Variants in RPTOR observed in about 807,000 individuals in gnomAD.
RPTOR encodes the protein regulatory associated protein of MTOR complex 1.
RPTOR carries 21 observed loss-of-function variants against 169.9 expected under a neutral mutation model. The ratio of observed to expected loss-of-function variants is 0.12; its 90% confidence interval spans 0.09 to 0.18. The LOEUF (loss-of-function observed/expected upper bound fraction) is 0.18. Among genes scored for constraint, RPTOR ranks in the 10% least tolerant of loss-of-function variants. The probability of loss-of-function intolerance (pLI) is 1.00; values close to 1 mark genes in which losing one functional copy is unlikely to be tolerated. For synonymous variants in RPTOR, 732 were observed against 753.2 expected (o/e 0.97, Z 0.46); for missense variants, 1,133 against 1,855.9 (o/e 0.61, Z 7.16).
intron 1 of RPTOR, chr17:80,602,857 C>T: frequency 1.9e-6 from 1 of 534,246 alleles, no homozygotes; most frequent in Non-Finnish European, 3.5e-6. Context: ...ATGGTGTCTT[C>T]TCGGGTCACC....
At chr17:80,555,351 C>T (rs750880256) in intron 1 of RPTOR, among the ~76,000 whole-genome samples, 2 of 152,100 alleles carry the variant, frequency 1.3e-5, no homozygotes, top group African/African-American at 4.8e-5. Context: ...ATGTGGCCAC[C>T]TAGCCCTCCA....
intron 13 of RPTOR, among the ~76,000 whole-genome samples, chr17:80,879,496 G>A (rs994296759): frequency 4.7e-5 from 7 of 148,270 alleles, no homozygotes; most frequent in East Asian, 2.0e-4. Flanking sequence ...CTTTTCCCTC[G>A]ATCCCACCCT....
In RPTOR at chr17:80,730,727, A is replaced by G; in HGVS notation, c.654+21A>G. 7.7e-7 allele frequency: 1 copy of G among 1,294,136 alleles called. No homozygotes were observed. Among genetic ancestry groups the G allele is most frequent in the Non-Finnish European group, 1.0e-6 (1 of 965,710 alleles). The allele number at this position is 1,294,136 out of a possible 1,614,324, so 80.2% of individuals were successfully genotyped here. A position where few individuals can be genotyped will look rare whatever the true frequency, so the allele number is the denominator to read the frequency against. ...TGGAGGTGAGCGCTCTGGTGCTTGG[A>G]GAGCGGTGCTGGGTTTGGTTTTGTT... On this transcript the variant is annotated intron_variant, in intron 5 of 33. Transcript: ENST00000306801. This position sits in a 1 kb window ranked among gnomAD's most constrained non-coding sequence, Gnocchi z 4.2.
intron 3 of RPTOR, among the ~76,000 whole-genome samples, chr17:80,645,584 G>T (rs2065589057): frequency 6.6e-6 from 1 of 152,138 alleles, no homozygotes; most frequent in African/African-American, 2.4e-5. Context: ...GCTAAGAGTT[G>T]ATTTACTGCT....
At chr17:80,719,725 G>C (rs1013119396) in intron 4 of RPTOR, among the ~76,000 whole-genome samples, 1 of 152,100 alleles carries the variant, frequency 6.6e-6, no homozygotes, top group Admixed American at 6.5e-5. Flanking sequence ...GGTCAGGAGT[G>C]GGGGGAAGCG....
chr17:80,612,757 A>T (rs2065280192), intron 1 of RPTOR, among the ~76,000 whole-genome samples: 4 of 152,178 alleles, frequency 2.6e-5, no homozygotes, highest in Admixed American at 2.6e-4. Context: ...GGTCCTAGCT[A>T]CTTGGGAGGC....
chr17:80,835,038 C>G (rs1413372354), intron 9 of RPTOR, among the ~76,000 whole-genome samples: 1 of 152,180 alleles, frequency 6.6e-6, no homozygotes, highest in African/African-American at 2.4e-5. Context: ...CTGCTGAATA[C>G]CATTTGCCTG....
At chr17:80,866,201 TATA>T (rs1329338030) in intron 13 of RPTOR, among the ~76,000 whole-genome samples, 1 of 149,434 alleles carries the variant, frequency 6.7e-6, no homozygotes, top group African/African-American at 2.4e-5. Flanking sequence ...ATAATGTACA[TATA>T]ATTATAAATA....
intron 24 of RPTOR, among the ~76,000 whole-genome samples, chr17:80,940,026 A>G (rs934452996): frequency 4.6e-5 from 7 of 152,214 alleles, no homozygotes; most frequent in African/African-American, 1.7e-4. Flanking sequence ...TAGCAGACAC[A>G]GGACCCACAA....
chr17:80,895,155 C>G (rs1380435808), intron 20 of RPTOR, among the ~76,000 whole-genome samples: 1 of 152,214 alleles, frequency 6.6e-6, no homozygotes, highest in Non-Finnish European at 1.5e-5. Context: ...CCATGGAGCC[C>G]CACATCCAAC....
chr17:80,861,521 G>A lies in RPTOR; in HGVS notation c.1509+3621G>A, dbSNP rs1005319005. On this transcript the variant is annotated intron_variant, in intron 13 of 33. Transcript: ENST00000306801. The surrounding 1 kb of genome is among the most constrained non-coding windows in gnomAD (Gnocchi z 4.5). ...GTTTGGCAGGAAGTCATTTTGAAACGTGGTTTCTGTCCTACACCCATATCT... is the reference window on the plus strand; with the variant it reads ...GTTTGGCAGGAAGTCATTTTGAAACATGGTTTCTGTCCTACACCCATATCT... Among the ~76,000 whole-genome samples, 1 of 106,236 alleles carries A rather than the reference G, an allele frequency of 9.4e-6. No individual in the cohort carries two copies. Among genetic ancestry groups the A allele is most frequent in the South Asian group, 3.0e-4 (1 of 3,298 alleles). 69.7% of individuals were successfully genotyped at this position (106,236 alleles called of 152,430 possible).
chr17:80,904,487 T>C (rs1309985918), intron 20 of RPTOR, among the ~76,000 whole-genome samples: 1 of 152,198 alleles, frequency 6.6e-6, no homozygotes, highest in Non-Finnish European at 1.5e-5. Flanking sequence ...CCGCCGTGTA[T>C]GCTATTTGGA....
chr17:80,684,807 A>G (rs1204740941), intron 3 of RPTOR, among the ~76,000 whole-genome samples: 1 of 151,986 alleles, frequency 6.6e-6, no homozygotes, highest in African/African-American at 2.4e-5. Flanking sequence ...GCTCCTCTGC[A>G]CTCTGCTTTT....
At chr17:80,596,887 T>C (rs1232751757) in intron 1 of RPTOR, among the ~76,000 whole-genome samples, 2 of 152,186 alleles carry the variant, frequency 1.3e-5, no homozygotes, top group East Asian at 3.8e-4. Flanking sequence ...AGGATTTAGA[T>C]CCTGGCATTT....
At position 80,646,952 on chromosome 17, in the gene RPTOR, G is replaced by A. The variant is rs1415058795; in HGVS notation, c.348+3142G>A. On this transcript the variant is annotated intron_variant, in intron 3 of 33. Transcript: ENST00000306801. This position sits in a 1 kb window ranked among gnomAD's most constrained non-coding sequence, Gnocchi z 5.0. ...GAAAGCCAACCCCGGAACCCCCGTC[G>A]GCTGCACCAGAATGGTGTCTGGAAG... 6.6e-6 allele frequency among the ~76,000 whole-genome samples: 1 copy of A among 152,154 alleles called. No individual in the cohort carries two copies. Among genetic ancestry groups the A allele is most frequent in the Non-Finnish European group, 1.5e-5 (1 of 68,024 alleles).
At chr17:80,575,624 A>T (rs1467799721) in intron 1 of RPTOR, among the ~76,000 whole-genome samples, 1 of 152,162 alleles carries the variant, frequency 6.6e-6, no homozygotes, top group Non-Finnish European at 1.5e-5. Flanking sequence ...TGTCCCTTAT[A>T]GGCCCGTGCG....
In RPTOR at chr17:80,861,237, C is replaced by T. The variant is rs145299213; in HGVS notation, c.1509+3337C>T. Among the ~76,000 whole-genome samples the T allele has an allele frequency of 1.4e-5, 2 of 144,628 alleles. No individual in the cohort carries two copies. Among genetic ancestry groups the T allele is most frequent in the African/African-American group, 4.9e-5 (2 of 41,004 alleles). 94.9% of individuals were successfully genotyped at this position (144,628 alleles called of 152,430 possible). ...CTCTGTAAAATCATGAGCCTTCGGC[C>T]GTCTGCCTTCAGCCACAGTTCCAGA... On this transcript the variant is annotated intron_variant, in intron 13 of 33. Transcript: ENST00000306801. The surrounding 1 kb of genome is among the most constrained non-coding windows in gnomAD (Gnocchi z 4.5).
intron 7 of RPTOR, among the ~76,000 whole-genome samples, chr17:80,809,400 C>T (rs992829885): frequency 1.3e-5 from 2 of 152,146 alleles, no homozygotes; most frequent in Non-Finnish European, 2.9e-5. Context: ...ACCATGTTGC[C>T]CAGGCTGATC....
At chr17:80,775,264 G>C (rs1012684048) in intron 6 of RPTOR, among the ~76,000 whole-genome samples, 1 of 152,094 alleles carries the variant, frequency 6.6e-6, no homozygotes, top group Admixed American at 6.5e-5. Flanking sequence ...CCTTTGACTT[G>C]TTCTTAGTCT....
Sources: gnomAD v4.1 joint callset for allele counts (sites outside exome capture counted in the v4.1 genomes callset) on GRCh38, gnomAD v4.1.1 for gene constraint, Gnocchi (gnomAD v3.1) non-coding constraint, MANE v1.5 for transcripts, NCBI Gene and HGNC (gene_info 2026-07-23, HGNC 2026-07-21) for gene names.